ZNF608: variants seen among roughly 807,000 people sequenced by gnomAD.
ZNF608 encodes the protein zinc finger protein 608, also known as renal carcinoma antigen NY-REN-36.
A neutral mutation model predicts 109.0 loss-of-function variants in ZNF608; 12 were observed. The observed-to-expected ratio is 0.11, with a 90% confidence interval of 0.07 to 0.18. The LOEUF (loss-of-function observed/expected upper bound fraction) is 0.18. Ranked by LOEUF, ZNF608 falls within the 10% of genes least tolerant of loss-of-function variation. The probability of loss-of-function intolerance (pLI) is 1.00; values close to 1 mark genes in which losing one functional copy is unlikely to be tolerated. For missense variants in ZNF608, 1,707 were observed against 1,879.3 expected (o/e 0.91, Z 1.70); for synonymous variants, 732 against 717.4 (o/e 1.02, Z -0.33).
chr5:124,727,206 T>C (rs776475727), intron 2 of ZNF608, among the ~76,000 whole-genome samples: 5 of 152,190 alleles, frequency 3.3e-5, no homozygotes, highest in South Asian at 2.1e-4. Flanking sequence ...GGATTTTCAA[T>C]AGAAAATTTC....
intron 3 of ZNF608, among the ~76,000 whole-genome samples, chr5:124,689,312 G>A (rs1421103861): frequency 6.6e-6 from 1 of 151,958 alleles, no homozygotes; most frequent in Non-Finnish European, 1.5e-5. Flanking sequence ...AGCCAGGTGT[G>A]GTGGTACACA....
At chr5:124,689,150 T>G (rs1752510271) in intron 3 of ZNF608, among the ~76,000 whole-genome samples, 1 of 152,138 alleles carries the variant, frequency 6.6e-6, no homozygotes, top group East Asian at 1.9e-4. Flanking sequence ...CAAAATCCAG[T>G]GCTTTGAGAG....
chr5:124,730,521 G>A (rs968764097), intron 2 of ZNF608, among the ~76,000 whole-genome samples: 14 of 152,194 alleles, frequency 9.2e-5, no homozygotes, highest in Admixed American at 4.6e-4. Context: ...GTTTTTACAA[G>A]GAAATAATGT....
intron 2 of ZNF608, among the ~76,000 whole-genome samples, chr5:124,703,402 T>G (rs1753134740): frequency 1.3e-5 from 2 of 152,296 alleles, no homozygotes; most frequent in South Asian, 4.1e-4. Context: ...TGGCGCCAAC[T>G]CTGATATTAA....
chr5:124,690,620 G>A (rs1291235081), intron 3 of ZNF608, among the ~76,000 whole-genome samples: 2 of 152,084 alleles, frequency 1.3e-5, no homozygotes, highest in Admixed American at 1.3e-4. Context: ...GGCCAAGGCA[G>A]GAAGATCGCT....
intron 3 of ZNF608, among the ~76,000 whole-genome samples, chr5:124,698,119 C>T (rs1041101858): frequency 1.3e-5 from 2 of 152,200 alleles, no homozygotes; most frequent in Non-Finnish European, 2.9e-5. Context: ...GTAGCTTACT[C>T]TCCCCTCCCC....
chr5:124,643,740 C>A, intron 6 of ZNF608, 57 bp from the exon 7 acceptor site: 3 of 1,564,290 alleles, frequency 1.9e-6, no homozygotes, highest in Non-Finnish European at 1.7e-6. Flanking sequence ...TAAAAAAAAT[C>A]ATTTGGGTTA....
intron 3 of ZNF608, among the ~76,000 whole-genome samples, chr5:124,675,370 A>G (rs1049520958): frequency 2.0e-5 from 3 of 152,250 alleles, no homozygotes; most frequent in Non-Finnish European, 2.9e-5. Flanking sequence ...GGAGCCTTCC[A>G]ACCTAACTGA....
intron 3 of ZNF608, 147 bp downstream of exon 3, chr5:124,700,867 A>T: frequency 9.0e-7 from 1 of 1,113,910 alleles, no homozygotes; most frequent in Non-Finnish European, 1.3e-6. Context: ...CACGGCTCTT[A>T]CTTCCAACAC....
rs1355023527 is a variant in ZNF608 at position 124,746,251 on chromosome 5, T to TC, written c.-241dup. On this transcript the variant is annotated 5_prime_UTR_variant, in exon 1 of 10. It introduces an in-frame stop codon into an upstream open reading frame of the 5' UTR. Coordinates refer to ENST00000513986, the MANE Select transcript of ZNF608 (RefSeq NM_020747.3). Reference sequence around the variant, plus strand: ...CAGCAAATCAAAATGCCTTTCCCACTCCACTCGGCAAACAAGCCTGTGCCT... The same window carrying TC: ...CAGCAAATCAAAATGCCTTTCCCACTCCCACTCGGCAAACAAGCCTGTGCCT... The TC allele has an allele frequency of 5.1e-6, 5 of 985,272 alleles. No homozygotes were observed. Among genetic ancestry groups the TC allele is most frequent in the Non-Finnish European group, 6.0e-6 (5 of 829,942 alleles). The allele number at this position is 985,272 out of a possible 1,614,324, so 61.0% of individuals were successfully genotyped here. A position where few individuals can be genotyped will look rare whatever the true frequency, so the allele number is the denominator to read the frequency against.
At chr5:124,662,010 T>G (rs1751284189) in intron 3 of ZNF608, among the ~76,000 whole-genome samples, 1 of 152,246 alleles carries the variant, frequency 6.6e-6, no homozygotes, top group South Asian at 2.1e-4. Context: ...TCACTCTGAT[T>G]TAACCTGACC....
At chr5:124,728,147 C>T (rs1262168252) in intron 2 of ZNF608, among the ~76,000 whole-genome samples, 2 of 152,152 alleles carry the variant, frequency 1.3e-5, no homozygotes, top group African/African-American at 4.8e-5. Flanking sequence ...ACCAGGAAAG[C>T]TCTTATGCCT....
chr5:124,741,408 AAAAAAAAAAAAT>A, intron 2 of ZNF608, among the ~76,000 whole-genome samples: 1 of 149,450 alleles, frequency 6.7e-6, no homozygotes, highest in African/African-American at 2.5e-5. Context: ...AAAAAAAAAA[AAAAAAAAAAAAT>A]GCACACACAC....
At position 124,648,084 on chromosome 5, in the gene ZNF608, C is replaced by G. The variant is rs887260172; in HGVS notation, c.2300G>C (p.Gly767Ala). 2 of 1,614,028 alleles carry G rather than the reference C, an allele frequency of 1.2e-6. No individual in the cohort carries two copies. The highest frequency in any genetic ancestry group is 1.7e-6 in the Non-Finnish European group (2 of 1,180,014). The change falls in exon 5 of 10, where the codon GGA becomes GCA. Residue 767 changes from glycine (G) to alanine (A), a missense_variant. Gly to Ala is a moderately conservative substitution (Grantham distance 60, BLOSUM62 0). Around this residue, in one of 7 missense-constraint regions of ZNF608, gnomAD observed 1,073 missense variants for 1,133.5 expected, o/e 0.95. Coordinates refer to ENST00000513986, the MANE Select transcript of ZNF608 (RefSeq NM_020747.3). ...FTTTTTGTIP[G>A]LPSLTTTVVQ... ...AACAGTTGTTGTGAGGGAGGGCAGT[C>G]CGGGTATTGTCCCAGTGGTGGTCGT...
At chr5:124,727,192 G>A (rs1748645951) in intron 2 of ZNF608, among the ~76,000 whole-genome samples, 1 of 152,156 alleles carries the variant, frequency 6.6e-6, no homozygotes, top group Non-Finnish European at 1.5e-5. Context: ...TTCTAAATGT[G>A]CCAGGATTTT....
At chr5:124,691,860 A>C (rs1372578783) in intron 3 of ZNF608, among the ~76,000 whole-genome samples, 2 of 152,210 alleles carry the variant, frequency 1.3e-5, no homozygotes, top group African/African-American at 2.4e-5. Flanking sequence ...TTAGTTGTTC[A>C]AGATAACTAA....
intron 2 of ZNF608, among the ~76,000 whole-genome samples, chr5:124,719,662 C>A (rs533747076): frequency 6.6e-6 from 1 of 152,038 alleles, no homozygotes; most frequent in Admixed American, 6.5e-5. Flanking sequence ...ATCAAAGATT[C>A]TTTATGTGGG....
chr5:124,736,060 T>C (rs368687206), intron 2 of ZNF608, among the ~76,000 whole-genome samples: 78 of 152,298 alleles, frequency 5.1e-4, no homozygotes, highest in African/African-American at 1.8e-3. Flanking sequence ...AAAACATGTT[T>C]AATCACCACT....
chr5:124,640,451 C>T (rs1750186421), intron 8 of ZNF608, among the ~76,000 whole-genome samples: 1 of 152,170 alleles, frequency 6.6e-6, no homozygotes, highest in Non-Finnish European at 1.5e-5. Flanking sequence ...CATATGAGCG[C>T]ACAGCAAGAC....
Sources: gnomAD v4.1 joint callset for allele counts (sites outside exome capture counted in the v4.1 genomes callset) on GRCh38, gnomAD v4.1.1 for gene constraint, gnomAD v4.1.1 regional missense constraint, MANE v1.5 for transcripts, NCBI Gene and HGNC (gene_info 2026-07-23, HGNC 2026-07-21) for gene names.